Variants in TXNL4A observed in about 807,000 individuals in gnomAD.
The protein encoded by TXNL4A is thioredoxin-like protein 4A.
A neutral mutation model predicts 14.6 loss-of-function variants in TXNL4A; 17 were observed. The ratio of observed to expected loss-of-function variants is 1.16; its 90% CI spans 0.80 to 1.74. TXNL4A has a LOEUF of 1.74. TXNL4A is among the 40% of genes most tolerant of loss of function. The probability of loss-of-function intolerance (pLI) is 0.00; values close to 1 mark genes in which losing one functional copy is unlikely to be tolerated. For missense variants in TXNL4A, 74 were observed against 195.2 expected (o/e 0.38, Z 3.70); for synonymous variants, 83 against 70.6 (o/e 1.18, Z -0.88).
intron 1 of TXNL4A, among the ~76,000 whole-genome samples, chr18:79,987,997 G>A (rs1408308865): frequency 6.6e-6 from 1 of 152,250 alleles, no homozygotes; most frequent in Non-Finnish European, 1.5e-5. Flanking sequence ...TCATTTGAGA[G>A]GAGGGGGATC....
chr18:80,014,684 T>C (rs2051794992), intron 1 of TXNL4A, among the ~76,000 whole-genome samples: 1 of 152,168 alleles, frequency 6.6e-6, no homozygotes, highest in Non-Finnish European at 1.5e-5. Flanking sequence ...TCAGTGGATC[T>C]ACCATTCTGG....
chr18:80,005,692 A>T (rs2051725366), intron 1 of TXNL4A, among the ~76,000 whole-genome samples: 1 of 152,214 alleles, frequency 6.6e-6, no homozygotes, highest in African/African-American at 2.4e-5. Flanking sequence ...AGGCGGGCAG[A>T]TCACTTGAGG....
At position 80,011,993 on chromosome 18, in the gene TXNL4A, G is replaced by A. The variant is rs2051773267; in HGVS notation, c.-61+21858C>T. Among the ~76,000 whole-genome samples, 1 of 151,868 alleles carries A rather than the reference G, an allele frequency of 6.6e-6. No homozygotes were observed. The highest frequency in any genetic ancestry group is 2.4e-5 in the African/African-American group (1 of 41,336). ...TCATCCCTTCCTCCCCCTCCCATCT[G>A]CCCTAAGAACAAAGAGCTTGTAAAC... On this transcript the variant is annotated intron_variant, in intron 1 of 2. Coordinates refer to the TXNL4A transcript ENST00000585474. The surrounding 1 kb of genome is among the most constrained non-coding windows in gnomAD (Gnocchi z 4.1).
chr18:79,980,504 T>C (rs2051446444), intron 1 of TXNL4A, among the ~76,000 whole-genome samples: 1 of 152,050 alleles, frequency 6.6e-6, no homozygotes, highest in Non-Finnish European at 1.5e-5. Flanking sequence ...ATACCAGCAA[T>C]TGTTGAAGTG....
intron 1 of TXNL4A, among the ~76,000 whole-genome samples, chr18:80,008,369 C>G (rs1040948671): frequency 1.3e-5 from 2 of 152,154 alleles, no homozygotes; most frequent in African/African-American, 4.8e-5. Flanking sequence ...TGGGGAAGTG[C>G]CCCTGCCATC....
intron 1 of TXNL4A, among the ~76,000 whole-genome samples, chr18:80,001,127 T>C (rs1445448073): frequency 6.6e-6 from 1 of 152,202 alleles, no homozygotes; most frequent in African/African-American, 2.4e-5. Flanking sequence ...TCCCAGCCAC[T>C]CTAGCAATGG....
intron 2 of TXNL4A, chr18:79,977,373 T>C: frequency 1.9e-6 from 1 of 534,126 alleles, no homozygotes; most frequent in East Asian, 3.2e-5. Context: ...CCCCGCAAAG[T>C]TATTTCAAAA....
In TXNL4A at chr18:80,011,118, G is replaced by A. The variant is rs2051767164; in HGVS notation, c.-61+22733C>T. Among the ~76,000 whole-genome samples the A allele has an allele frequency of 6.6e-6, 1 of 152,110 alleles. No homozygotes were observed. Among genetic ancestry groups the A allele is most frequent in the South Asian group, 2.1e-4 (1 of 4,816 alleles). On this transcript the variant is annotated intron_variant, in intron 1 of 2. Coordinates refer to the TXNL4A transcript ENST00000585474. The surrounding 1 kb of genome is among the most constrained non-coding windows in gnomAD (Gnocchi z 4.1). ...CATTTGGTGCTTGTTAGCCCCTCGG[G>A]AAAGGAAACAATTTGGGTTATATCA...
intron 1 of TXNL4A, among the ~76,000 whole-genome samples, chr18:80,004,065 GA>G (rs936055225): frequency 2.6e-5 from 4 of 150,972 alleles, no homozygotes; most frequent in African/African-American, 9.8e-5. Flanking sequence ...CTGGCTTCAA[GA>G]AATCATTCCT....
At chr18:80,000,228 G>A (rs568138204) in intron 1 of TXNL4A, among the ~76,000 whole-genome samples, 5 of 152,312 alleles carry the variant, frequency 3.3e-5, no homozygotes, top group African/African-American at 1.2e-4. Flanking sequence ...GGGAAAGTTT[G>A]GAACTCCCTA....
intron 1 of TXNL4A, among the ~76,000 whole-genome samples, chr18:80,012,358 C>T (rs899839946): frequency 1.3e-5 from 2 of 152,108 alleles, no homozygotes; most frequent in African/African-American, 4.8e-5. Context: ...AATGCACTTT[C>T]CAGAAAAGAG....
rs1212164262 is a variant in TXNL4A at position 79,988,461 on chromosome 18, G to A, written c.-69C>T. On this transcript the variant is annotated 5_prime_UTR_variant, in exon 1 of 3. Transcript: ENST00000269601. ...AGGGCCCAGCGAGGTGGGCTCAGCC[G>A]GCCCCTCACTCCCCGGCCCCCGCCG... The A allele has an allele frequency of 9.4e-6, 12 of 1,275,380 alleles. No homozygotes were observed. The South Asian group carries it at 1.5e-4, about 16-fold the overall frequency. 79.0% of individuals were successfully genotyped at this position (1,275,380 alleles called of 1,614,324 possible).
chr18:80,031,045 T>C (rs986413404), intron 1 of TXNL4A, among the ~76,000 whole-genome samples: 1 of 152,210 alleles, frequency 6.6e-6, no homozygotes, highest in Non-Finnish European at 1.5e-5. Flanking sequence ...ACCAGCTCAT[T>C]AGCTCTCACT....
chr18:80,031,261 C>T (rs993730985), intron 1 of TXNL4A, among the ~76,000 whole-genome samples: 3 of 152,202 alleles, frequency 2.0e-5, no homozygotes, highest in Non-Finnish European at 4.4e-5. Flanking sequence ...ATGGGGTGGA[C>T]ACCTGGAGAA....
chr18:80,008,238 A>G lies in TXNL4A; in HGVS notation c.-61+25613T>C, dbSNP rs1331771461. On this transcript the variant is annotated intron_variant, in intron 1 of 2. Transcript: ENST00000585474. ...TGGGTAAGTATCCAAATTGTTTTTC[A>G]GATGTAAATGTTAGTAGCTCTCATT... is the stretch of plus-strand genomic sequence containing the variant. Among the ~76,000 whole-genome samples the G allele has an allele frequency of 4.6e-5, 7 of 152,300 alleles. No individual in the cohort carries two copies. In the East Asian group the frequency reaches 1.2e-3, roughly 25 times the overall value.
intron 1 of TXNL4A, among the ~76,000 whole-genome samples, chr18:80,007,048 C>G (rs538094231): frequency 6.6e-6 from 1 of 152,074 alleles, no homozygotes. Flanking sequence ...GCACAGCTGC[C>G]GGCATTCACC....
chr18:80,004,411 G>A (rs2051716419), intron 1 of TXNL4A, among the ~76,000 whole-genome samples: 1 of 152,166 alleles, frequency 6.6e-6, no homozygotes, highest in Admixed American at 6.5e-5. Context: ...CCTGTGGGTA[G>A]GAAGGGGGCT....
At chr18:80,001,271 A>G (rs1342074704) in intron 1 of TXNL4A, among the ~76,000 whole-genome samples, 2 of 152,164 alleles carry the variant, frequency 1.3e-5, no homozygotes, top group African/African-American at 4.8e-5. Flanking sequence ...CTCTGCCTAG[A>G]TTTCAGAGGA....
chr18:80,006,931 C>A (rs1010066554), intron 1 of TXNL4A, among the ~76,000 whole-genome samples: 5 of 152,184 alleles, frequency 3.3e-5, no homozygotes, highest in Non-Finnish European at 1.5e-5. Context: ...CTCTACGCGC[C>A]AGGCGCCACG....
Sources: allele counts gnomAD v4.1 joint callset (sites outside exome capture counted in the v4.1 genomes callset), GRCh38; gene constraint gnomAD v4.1.1; non-coding constraint Gnocchi (gnomAD v3.1); transcripts MANE v1.5; gene names NCBI Gene and HGNC (gene_info 2026-07-23, HGNC 2026-07-21).